Variants in ARNT2 observed in about 807,000 individuals in gnomAD.
ARNT2 encodes the protein ARNT protein 2.
In ARNT2, 36 loss-of-function variants were observed where a neutral mutation model predicts 91.7. The ratio of observed to expected loss-of-function variants is 0.39; its 90% CI spans 0.30 to 0.52. The LOEUF is 0.52. Ranked by LOEUF, ARNT2 falls within the 20% of genes least tolerant of loss-of-function variation. The probability of loss-of-function intolerance (pLI) is 0.72; values close to 1 mark genes in which losing one functional copy is unlikely to be tolerated. For synonymous variants in ARNT2, 365 were observed against 347.1 expected, an observed-to-expected ratio of 1.05 and a Z score of -0.57; for missense variants, 775 against 939.3, an observed-to-expected ratio of 0.83 and a Z score of 2.29.
chr15:80,404,487 C>T lies in ARNT2; in HGVS notation c.-29C>T. 8.1e-7 allele frequency: 1 copy of T among 1,229,214 alleles called. No homozygotes were observed. Among genetic ancestry groups the T allele is most frequent in the Non-Finnish European group, 1.0e-6 (1 of 966,438 alleles). The allele number at this position is 1,229,214 out of a possible 1,614,324, so 76.1% of individuals were successfully genotyped here. ...CGCGCCGCCCCTCCCGCGCCCCTGC[C>T]AAGCGGGCGCCTATCCTCTCCGAGC... On this transcript the variant is annotated 5_prime_UTR_variant, in exon 1 of 19. Coordinates refer to ENST00000303329, the MANE Select transcript of ARNT2 (RefSeq NM_014862.4). This position sits in a 1 kb window ranked among gnomAD's most constrained non-coding sequence, Gnocchi z 5.5.
chr15:80,554,360 G>C (rs1432555158), intron 10 of ARNT2, among the ~76,000 whole-genome samples: 1 of 152,186 alleles, frequency 6.6e-6, no homozygotes, highest in African/African-American at 2.4e-5. Context: ...AGTGAGCTGA[G>C]ATCGCGCCAT....
intron 14 of ARNT2, among the ~76,000 whole-genome samples, chr15:80,576,227 C>T (rs919127772): frequency 1.3e-5 from 2 of 152,166 alleles, no homozygotes; most frequent in Non-Finnish European, 2.9e-5. Flanking sequence ...GGAATCCCTA[C>T]ACCGCAGGGT....
chr15:80,515,320 A>G (rs557966518), intron 8 of ARNT2, among the ~76,000 whole-genome samples: 1 of 152,236 alleles, frequency 6.6e-6, no homozygotes, highest in African/African-American at 2.4e-5. Context: ...TGGCCAAAAA[A>G]TGGAAACAAC....
chr15:80,483,947 C>A (rs956576943), intron 5 of ARNT2, among the ~76,000 whole-genome samples: 1 of 152,212 alleles, frequency 6.6e-6, no homozygotes, highest in Non-Finnish European at 1.5e-5. Flanking sequence ...ATAATTGATC[C>A]CACAGGGGTC....
chr15:80,575,109 A>C lies in ARNT2; in HGVS notation c.1512A>C (p.Ala504=), dbSNP rs749894403. 1.2e-6 allele frequency: 2 copies of C among 1,614,100 alleles called. No individual in the cohort carries two copies. Among genetic ancestry groups the C allele is most frequent in the South Asian group, 2.2e-5 (2 of 91,082 alleles). The change falls in exon 14 of 19, where the codon GCA becomes GCC. Residue 504 remains alanine (A), a splice_region_variant and synonymous_variant. Coordinates refer to ENST00000303329, the MANE Select transcript of ARNT2 (RefSeq NM_014862.4). ...RFAEMFAGIS[A]SEKKMMSSAS... ...CTGAAATGTTTGCAGGAATTAGTGC[A>C]TGTAAGTTTCCAAATGGTACTGAGG...
chr15:80,498,972 G>A (rs766781928), intron 5 of ARNT2, among the ~76,000 whole-genome samples: 6 of 152,184 alleles, frequency 3.9e-5, no homozygotes, highest in South Asian at 2.1e-4. Flanking sequence ...TTCAAATCCT[G>A]ACTCCGCAGT....
chr15:80,590,086 A>G (rs531169885), intron 17 of ARNT2, among the ~76,000 whole-genome samples: 4 of 152,246 alleles, frequency 2.6e-5, no homozygotes, highest in South Asian at 4.1e-4. Flanking sequence ...AGGGAGAGAG[A>G]GAGATTCTTC....
intron 3 of ARNT2, among the ~76,000 whole-genome samples, chr15:80,468,645 G>A (rs893486492): frequency 6.9e-6 from 1 of 144,062 alleles, no homozygotes; most frequent in Admixed American, 6.6e-5. Context: ...CCTCCTCTTC[G>A]CTATATCGTT....
chr15:80,417,279 G>T (rs1014418852), intron 1 of ARNT2, among the ~76,000 whole-genome samples: 3 of 152,122 alleles, frequency 2.0e-5, no homozygotes, highest in Admixed American at 2.0e-4. Flanking sequence ...TCCCGTTTTT[G>T]GTTGCTGGTG....
chr15:80,432,224 G>T (rs1896021740), intron 1 of ARNT2, among the ~76,000 whole-genome samples: 1 of 152,194 alleles, frequency 6.6e-6, no homozygotes, highest in African/African-American at 2.4e-5. Flanking sequence ...CTGGGGCACG[G>T]GGGGAACGGC....
rs1009296356 is a variant in ARNT2 at position 80,595,454 on chromosome 15, G to A, written c.*1756G>A. On this transcript the variant is annotated 3_prime_UTR_variant, in exon 19 of 19. Transcript: ENST00000303329. ...GAGTGAGGCCAGCATGCAGGAAGGA[G>A]TTTGGAGAGAGTGTTTGCTGTGATC... 6.6e-6 allele frequency: 1 copy of A among 152,328 alleles called. No homozygotes were observed. Among genetic ancestry groups the A allele is most frequent in the Non-Finnish European group, 1.5e-5 (1 of 68,134 alleles). The allele number at this position is 152,328 out of a possible 1,614,324, so 9.4% of individuals were successfully genotyped here.
chr15:80,514,431 A>C (rs768103094), intron 8 of ARNT2, 26 bp downstream of exon 8: 2 of 1,606,130 alleles, frequency 1.2e-6, no homozygotes, highest in Admixed American at 1.7e-5. Context: ...TGTAAATTCC[A>C]CGGGAACTGG....
intron 2 of ARNT2, among the ~76,000 whole-genome samples, chr15:80,454,498 G>A (rs967582615): frequency 6.6e-6 from 1 of 152,168 alleles, no homozygotes; most frequent in African/African-American, 2.4e-5. Flanking sequence ...TCCCTCTAAG[G>A]TAACCCTGGG....
intron 8 of ARNT2, among the ~76,000 whole-genome samples, chr15:80,548,882 G>C (rs561361156): frequency 3.9e-5 from 6 of 152,008 alleles, no homozygotes; most frequent in Non-Finnish European, 7.4e-5. Context: ...ATATTATCAA[G>C]CTATTTTATG....
intron 1 of ARNT2, among the ~76,000 whole-genome samples, chr15:80,434,748 G>A (rs1026476086): frequency 5.9e-5 from 9 of 152,076 alleles, no homozygotes; most frequent in Non-Finnish European, 8.8e-5. Flanking sequence ...GGCAGGGAAC[G>A]GGGAGTGGAA....
At chr15:80,553,408 C>T (rs1898119524) in intron 10 of ARNT2, among the ~76,000 whole-genome samples, 1 of 152,116 alleles carries the variant, frequency 6.6e-6, no homozygotes. Context: ...TGGGTGATGT[C>T]ATTGAATAAT....
At chr15:80,447,403 A>T (rs1227292705) in intron 1 of ARNT2, among the ~76,000 whole-genome samples, 1 of 152,222 alleles carries the variant, frequency 6.6e-6, no homozygotes, top group African/African-American at 2.4e-5. Flanking sequence ...TTTCCTCCCT[A>T]TACAGTGCAG....
At chr15:80,508,333 C>G (rs1595990812) in intron 6 of ARNT2, 75 bp downstream of exon 6, 5 of 1,475,672 alleles carry the variant, frequency 3.4e-6, no homozygotes, top group Non-Finnish European at 4.7e-6. Context: ...GAGCCTTGAC[C>G]AGCTCTGCCG....
chr15:80,523,222 C>T (rs1897581448), intron 8 of ARNT2, among the ~76,000 whole-genome samples: 1 of 152,144 alleles, frequency 6.6e-6, no homozygotes, highest in Non-Finnish European at 1.5e-5. Context: ...GGATGTGGAC[C>T]ACTGGAAGGG....
Sources: gnomAD v4.1 joint callset for allele counts (sites outside exome capture counted in the v4.1 genomes callset) on GRCh38, gnomAD v4.1.1 for gene constraint, Gnocchi (gnomAD v3.1) non-coding constraint, MANE v1.5 for transcripts, NCBI Gene and HGNC (gene_info 2026-07-23, HGNC 2026-07-21) for gene names.